FGF12: variants seen among roughly 807,000 people sequenced by gnomAD.
The protein encoded by FGF12 is fibroblast growth factor 12B.
Under a neutral mutation model 23.6 loss-of-function variants are expected in FGF12, and 14 were observed. The observed-to-expected ratio is 0.59, with a 90% CI of 0.39 to 0.93. The LOEUF (loss-of-function observed/expected upper bound fraction) is 0.93, where lower values mean the gene tolerates loss of function less well. Ranked by LOEUF, FGF12 falls within the 40% of genes least tolerant of loss-of-function variation. FGF12 has a pLI of 0.00. For synonymous variants in FGF12, 62 were observed against 77.3 expected (o/e 0.80, Z 1.04); for missense variants, 175 against 217.8 (o/e 0.80, Z 1.24).
At chr3:192,391,822 T>C (rs746045334) in intron 2 of FGF12, among the ~76,000 whole-genome samples, 6 of 152,232 alleles carry the variant, frequency 3.9e-5, no homozygotes, top group Non-Finnish European at 7.3e-5. Flanking sequence ...AGTTTTTCAA[T>C]ATTACTTCTA....
intron 4 of FGF12, among the ~76,000 whole-genome samples, chr3:192,326,874 C>G (rs561339311): frequency 2.6e-5 from 4 of 152,152 alleles, no homozygotes; most frequent in Non-Finnish European, 4.4e-5. Context: ...CACATGACTT[C>G]TCTGTTTCCC....
chr3:192,710,579 A>T (rs994632449), intron 2 of FGF12, among the ~76,000 whole-genome samples: 1 of 152,248 alleles, frequency 6.6e-6, no homozygotes, highest in African/African-American at 2.4e-5. Flanking sequence ...AATCTTCAAA[A>T]GTTTAGACAG....
chr3:192,467,516 G>T (rs1723046664), intron 2 of FGF12, among the ~76,000 whole-genome samples: 1 of 151,640 alleles, frequency 6.6e-6, no homozygotes, highest in South Asian at 2.1e-4. Flanking sequence ...GCACTGTGCT[G>T]AAGAGGAAAA....
intron 3 of FGF12, among the ~76,000 whole-genome samples, chr3:192,353,685 T>C (rs1718332876): frequency 6.6e-6 from 1 of 152,146 alleles, no homozygotes; most frequent in African/African-American, 2.4e-5. Context: ...AGAAGTCTTA[T>C]GATCAAAAAT....
At chr3:192,529,658 G>A (rs1307120240) in intron 2 of FGF12, among the ~76,000 whole-genome samples, 2 of 152,118 alleles carry the variant, frequency 1.3e-5, no homozygotes, top group Non-Finnish European at 1.5e-5. Flanking sequence ...AGGTTTAATG[G>A]ACTTATGGTT....
rs113340853 is a variant in FGF12 at position 192,206,780 on chromosome 3, C to G, written c.229-36124G>C. Reference sequence around the variant, plus strand: ...TCATTGAAACAAATGGTGAGCAAAACGAAGTTAACAGTTTAACATTTTATT... The same window carrying G: ...TCATTGAAACAAATGGTGAGCAAAAGGAAGTTAACAGTTTAACATTTTATT... On this transcript the variant is annotated intron_variant, in intron 4 of 5. Transcript: ENST00000445105. Among the ~76,000 whole-genome samples the G allele has an allele frequency of 4.9e-3, 744 of 152,228 alleles. 10 individuals are homozygous for G. The highest frequency in any genetic ancestry group is 0.016 in the African/African-American group (667 of 41,530).
chr3:192,533,744 G>C lies in FGF12; in HGVS notation c.14-173206C>G, dbSNP rs138322751. 3.5e-3 allele frequency among the ~76,000 whole-genome samples: 525 copies of C among 152,156 alleles called. 1 individual carries two copies. Among genetic ancestry groups the C allele is most frequent in the Non-Finnish European group, 5.9e-3 (404 of 67,994 alleles). ...GTGGGCCAGTCCAAACATCAGAAGC[G>C]ACCCCATTTTTCTCTGTTGTCTGCA... On this transcript the variant is annotated intron_variant, in intron 2 of 5. Transcript: ENST00000445105.
chr3:192,361,199 C>G (rs1020457231), intron 2 of FGF12, among the ~76,000 whole-genome samples: 1 of 143,152 alleles, frequency 7.0e-6, no homozygotes, highest in African/African-American at 2.6e-5. Flanking sequence ...AAAATCAAGT[C>G]ATACATATTT....
intron 4 of FGF12, among the ~76,000 whole-genome samples, chr3:192,296,038 T>A (rs1480750636): frequency 2.0e-5 from 3 of 148,624 alleles, no homozygotes; most frequent in Non-Finnish European, 4.5e-5. Flanking sequence ...CACACCACCA[T>A]GCTGACTAAC....
intron 2 of FGF12, among the ~76,000 whole-genome samples, chr3:192,472,643 CA>C (rs1296840031): frequency 2.0e-5 from 3 of 152,086 alleles, no homozygotes; most frequent in Admixed American, 6.5e-5. Flanking sequence ...CCAGCTATTC[CA>C]CAGAGGAATG....
chr3:192,680,204 G>A (rs898588118), intron 2 of FGF12, among the ~76,000 whole-genome samples: 7 of 152,150 alleles, frequency 4.6e-5, no homozygotes, highest in African/African-American at 1.7e-4. Context: ...AGAAAAGTCT[G>A]GAAGTGGACA....
chr3:192,451,245 G>A (rs1722511221), intron 2 of FGF12, among the ~76,000 whole-genome samples: 1 of 152,168 alleles, frequency 6.6e-6, no homozygotes, highest in South Asian at 2.1e-4. Context: ...AACTCAGTAG[G>A]TATAAAGAAT....
At chr3:192,304,206 C>T (rs1364490539) in intron 4 of FGF12, among the ~76,000 whole-genome samples, 2 of 152,122 alleles carry the variant, frequency 1.3e-5, no homozygotes, top group African/African-American at 4.8e-5. Flanking sequence ...CACATGTATC[C>T]AAGGGATCTT....
chr3:192,669,501 C>T (rs1487581565), intron 2 of FGF12, among the ~76,000 whole-genome samples: 3 of 148,608 alleles, frequency 2.0e-5, no homozygotes, highest in Non-Finnish European at 4.4e-5. Flanking sequence ...GCAGGAGAAT[C>T]GCTTGAATCC....
At chr3:192,644,926 A>G (rs1454313035) in intron 2 of FGF12, among the ~76,000 whole-genome samples, 1 of 152,206 alleles carries the variant, frequency 6.6e-6, no homozygotes, top group East Asian at 1.9e-4. Context: ...TCTTTGAGAA[A>G]TATATGACAT....
At chr3:192,344,631 C>T (rs924456454) in intron 3 of FGF12, among the ~76,000 whole-genome samples, 3 of 152,286 alleles carry the variant, frequency 2.0e-5, no homozygotes, top group Admixed American at 6.5e-5. Context: ...TAAGCATTGG[C>T]TGACAGCATA....
intron 4 of FGF12, among the ~76,000 whole-genome samples, chr3:192,246,035 C>G (rs1711549751): frequency 6.6e-6 from 1 of 152,150 alleles, no homozygotes; most frequent in Non-Finnish European, 1.5e-5. Flanking sequence ...GATATCTCAT[C>G]ACATTACAAA....
intron 2 of FGF12, among the ~76,000 whole-genome samples, chr3:192,652,639 C>A (rs1220676700): frequency 6.6e-6 from 1 of 152,186 alleles, no homozygotes; most frequent in Non-Finnish European, 1.5e-5. Flanking sequence ...TACAAATTCT[C>A]AGGCTAGTGT....
chr3:192,356,996 T>C (rs59033542), intron 3 of FGF12, among the ~76,000 whole-genome samples: 2,547 of 152,304 alleles, frequency 0.017, 74 homozygotes, highest in African/African-American at 0.055. Flanking sequence ...AGCACATTAG[T>C]TGAAAAACTG....
Sources: gnomAD v4.1 joint callset for allele counts (sites outside exome capture counted in the v4.1 genomes callset) on GRCh38, gnomAD v4.1.1 for gene constraint, MANE v1.5 for transcripts, NCBI Gene and HGNC (gene_info 2026-07-23, HGNC 2026-07-21) for gene names.